WWC2: variants seen among roughly 807,000 people sequenced by gnomAD.
The protein encoded by WWC2 is WW and C2 domain containing 2, also known as protein WWC2.
A neutral mutation model predicts 138.5 loss-of-function variants in WWC2; 101 were observed. That is an observed-to-expected ratio of 0.73 (90% CI 0.62 to 0.86). The LOEUF (loss-of-function observed/expected upper bound fraction) is 0.86. WWC2 is among the 40% of genes least tolerant of loss of function. The probability of loss-of-function intolerance (pLI) is 0.00; values close to 1 mark genes in which losing one functional copy is unlikely to be tolerated. For synonymous variants in WWC2, 558 were observed against 538.4 expected (o/e 1.04, Z -0.50); for missense variants, 1,420 against 1,419.4 (o/e 1.00, Z -0.01).
chr4:183,141,280 G>A (rs1292048076), intron 1 of WWC2, among the ~76,000 whole-genome samples: 1 of 152,098 alleles, frequency 6.6e-6, no homozygotes, highest in African/African-American at 2.4e-5. Context: ...TTCTTGCTGT[G>A]TCCCCACATG....
At chr4:183,199,380 A>G (rs959461685) in intron 2 of WWC2, among the ~76,000 whole-genome samples, 26 of 152,188 alleles carry the variant, frequency 1.7e-4, no homozygotes, top group Admixed American at 1.3e-3. Context: ...CTGCCATGGT[A>G]CTAGCCACTC....
At chr4:183,174,461 T>G (rs1235250959) in intron 1 of WWC2, among the ~76,000 whole-genome samples, 1 of 152,174 alleles carries the variant, frequency 6.6e-6, no homozygotes, top group African/African-American at 2.4e-5. Context: ...CTTACCACGC[T>G]GCAGTTTGCT....
chr4:183,106,670 A>G (rs915627697), intron 1 of WWC2, among the ~76,000 whole-genome samples: 1 of 152,202 alleles, frequency 6.6e-6, no homozygotes, highest in Non-Finnish European at 1.5e-5. Flanking sequence ...TATAAATGGA[A>G]TAGTAAAATT....
At position 183,269,135 on chromosome 4, in the gene WWC2, T is replaced by C. The variant is rs1580130883; in HGVS notation, c.2372T>C (p.Val791Ala). ...QKTLRVDLCS[V>A]SKHRREECLA... ...ACACTGAGGGTAGACCTTTGCTCTG[T>C]CAGTAAACACCGAAGGGAAGAATGC... is the stretch of plus-strand genomic sequence containing the variant. The change falls in exon 15 of 23, where the codon GTC becomes GCC. Residue 791 changes from valine to alanine, a missense_variant. Physicochemically the swap from Val to Ala is moderately conservative, Grantham distance 64. Transcript: ENST00000403733. 2 of 1,612,450 alleles carry C rather than the reference T, an allele frequency of 1.2e-6. No individual in the cohort carries two copies. Among genetic ancestry groups the C allele is most frequent in the South Asian group, 1.1e-5 (1 of 90,532 alleles).
At chr4:183,172,409 T>C (rs574573988) in intron 1 of WWC2, among the ~76,000 whole-genome samples, 1 of 152,324 alleles carries the variant, frequency 6.6e-6, no homozygotes, top group South Asian at 2.1e-4. Context: ...CAGATGCCAT[T>C]ATTCTGCTCT....
intron 21 of WWC2, among the ~76,000 whole-genome samples, chr4:183,299,655 A>G (rs988394085): frequency 2.6e-5 from 4 of 151,936 alleles, no homozygotes. Context: ...CTTCCTCCTC[A>G]CTTCCACAGT....
chr4:183,264,426 C>G (rs1386918062), intron 11 of WWC2, among the ~76,000 whole-genome samples: 1 of 152,178 alleles, frequency 6.6e-6, no homozygotes, highest in African/African-American at 2.4e-5. Context: ...ACTAAAGATT[C>G]AGTAGCACAA....
chr4:183,207,932 C>A, intron 2 of WWC2, 21 bp from the exon 3 acceptor site: 1 of 1,580,224 alleles, frequency 6.3e-7, no homozygotes, highest in South Asian at 1.2e-5. Context: ...CTAAAAAGTA[C>A]CCTCCACCTA....
chr4:183,157,944 C>G (rs1733853898), intron 1 of WWC2, among the ~76,000 whole-genome samples: 1 of 152,080 alleles, frequency 6.6e-6, no homozygotes, highest in African/African-American at 2.4e-5. Flanking sequence ...GGGACTGCCT[C>G]CTAGAGTCCC....
rs150670213 is a variant in WWC2, at chr4:183,284,101, T to G, written c.2884-125T>G. ...AGTCTGTAATGCAAAGCCTTTCTCT[T>G]AGGAGTGGCCATAGTGCTCCATGAG... On this transcript the variant is annotated intron_variant, in intron 18 of 22. Coordinates refer to ENST00000403733, the MANE Select transcript of WWC2 (RefSeq NM_024949.6). 174 of 1,110,416 alleles carry G rather than the reference T, an allele frequency of 1.6e-4. No individual in the cohort carries two copies. In the African/African-American group the frequency reaches 2.4e-3, roughly 16 times the overall value. The allele number at this position is 1,110,416 out of a possible 1,614,324, so 68.8% of individuals were successfully genotyped here. A position where few individuals can be genotyped will look rare whatever the true frequency, so the allele number is the denominator to read the frequency against.
intron 4 of WWC2, among the ~76,000 whole-genome samples, chr4:183,230,808 G>A (rs181194131): frequency 2.6e-5 from 4 of 152,174 alleles, no homozygotes; most frequent in African/African-American, 9.6e-5. Context: ...AAGAGAAAAT[G>A]AGCAAATAAA....
intron 4 of WWC2, among the ~76,000 whole-genome samples, chr4:183,230,054 G>A (rs1736195697): frequency 6.6e-6 from 1 of 151,864 alleles, no homozygotes; most frequent in Admixed American, 6.6e-5. Context: ...CAAACCCCTG[G>A]GCTCAGGCAA....
chr4:183,142,309 C>T (rs1733325585), intron 1 of WWC2, among the ~76,000 whole-genome samples: 1 of 152,188 alleles, frequency 6.6e-6, no homozygotes, highest in Non-Finnish European at 1.5e-5. Flanking sequence ...CTGCAATACA[C>T]ATTTTCCTGT....
intron 16 of WWC2, among the ~76,000 whole-genome samples, chr4:183,276,210 TATTTA>T (rs1202428442): frequency 2.0e-5 from 3 of 152,114 alleles, no homozygotes; most frequent in Non-Finnish European, 4.4e-5. Flanking sequence ...TGAGATATTA[TATTTA>T]AAGTATTCTA....
chr4:183,315,521 T>C (rs1239729600), intron 22 of WWC2, 142 bp from the exon 23 acceptor site: 4 of 553,868 alleles, frequency 7.2e-6, no homozygotes, highest in Non-Finnish European at 1.3e-5. Flanking sequence ...TGATTTTAAA[T>C]GGAGTTCTGC....
intron 5 of WWC2, among the ~76,000 whole-genome samples, chr4:183,244,584 TAG>T (rs950712508): frequency 2.3e-4 from 34 of 148,322 alleles, no homozygotes; most frequent in African/African-American, 8.0e-4. Flanking sequence ...TATATATATA[TAG>T]AGAGAGAGAG....
chr4:183,267,111 T>C (rs376339569), intron 14 of WWC2, among the ~76,000 whole-genome samples: 89 of 151,836 alleles, frequency 5.9e-4, no homozygotes, highest in African/African-American at 1.9e-3. Context: ...CCCACCTTGG[T>C]CTCCCAAAGT....
intron 21 of WWC2, among the ~76,000 whole-genome samples, chr4:183,309,370 A>G (rs1346674468): frequency 6.6e-6 from 1 of 152,206 alleles, no homozygotes; most frequent in Non-Finnish European, 1.5e-5. Flanking sequence ...GTTACAAAAA[A>G]CTCTTAAAAC....
intron 1 of WWC2, among the ~76,000 whole-genome samples, chr4:183,126,895 ATTTTT>A (rs11412789): frequency 1.5e-5 from 2 of 134,306 alleles, no homozygotes; most frequent in Non-Finnish European, 1.6e-5. Flanking sequence ...TGCCCAGCTA[ATTTTT>A]TTTTTTTTTT....
Sources: gnomAD v4.1 joint callset for allele counts (sites outside exome capture counted in the v4.1 genomes callset) on GRCh38, gnomAD v4.1.1 for gene constraint, MANE v1.5 for transcripts, NCBI Gene and HGNC (gene_info 2026-07-23, HGNC 2026-07-21) for gene names.